The following RAP1GAP2 variants were observed in gnomAD, a reference collection of about 807,000 sequenced individuals.
RAP1GAP2 encodes the protein rap1 GTPase-activating protein 2.
A neutral mutation model predicts 95.0 loss-of-function variants in RAP1GAP2; 27 were observed. The ratio of observed to expected loss-of-function variants is 0.28; its 90% CI spans 0.21 to 0.39. RAP1GAP2 has a LOEUF of 0.39. RAP1GAP2 is among the 10% of genes least tolerant of loss of function. RAP1GAP2 has a pLI of 1.00. For missense variants in RAP1GAP2, 771 were observed against 970.0 expected, an observed-to-expected ratio of 0.79 and a Z score of 2.72; for synonymous variants, 373 against 380.9, an observed-to-expected ratio of 0.98 and a Z score of 0.24.
chr17:2,965,033 G>T lies in RAP1GAP2; in HGVS notation c.493-507G>T, dbSNP rs1396300853. The T allele has an allele frequency of 6.4e-6, 1 of 157,162 alleles. No individual in the cohort carries two copies. The highest frequency in any genetic ancestry group is 1.4e-5 in the Non-Finnish European group (1 of 70,778). 9.7% of individuals were successfully genotyped at this position (157,162 alleles called of 1,614,324 possible). On this transcript the variant is annotated intron_variant, in intron 7 of 24. Transcript: ENST00000254695. This position sits in a 1 kb window ranked among gnomAD's most constrained non-coding sequence, Gnocchi z 4.7. Reference sequence around the variant, plus strand: ...CCCCGAGCCAGGGAGTGACCCACTGGCTCAGGACACCTCCCAGCTCCCCTG... The same window carrying T: ...CCCCGAGCCAGGGAGTGACCCACTGTCTCAGGACACCTCCCAGCTCCCCTG...
At position 2,866,925 on chromosome 17, in the gene RAP1GAP2, G is replaced by A. The variant is rs546236093; in HGVS notation, c.81-38359G>A. Among the ~76,000 whole-genome samples the A allele has an allele frequency of 2.4e-4, 34 of 141,588 alleles. No individual in the cohort carries two copies. The highest frequency in any genetic ancestry group is 8.5e-4 in the African/African-American group (32 of 37,790). 92.9% of individuals were successfully genotyped at this position (141,588 alleles called of 152,430 possible). On this transcript the variant is annotated intron_variant, in intron 2 of 24. Transcript: ENST00000254695. This position sits in a 1 kb window ranked among gnomAD's most constrained non-coding sequence, Gnocchi z 4.0. ...TATTTTATTTTTTATTTTAGAGATG[G>A]AGTCTCACTCTGTCACCCAGGCTGG...
intron 1 of RAP1GAP2, among the ~76,000 whole-genome samples, chr17:2,789,651 G>A (rs188854783): frequency 1.3e-5 from 2 of 149,354 alleles, no homozygotes; most frequent in African/African-American, 2.5e-5. Context: ...GCATGGTGGC[G>A]TGTACTGGTA....
At chr17:2,780,559 C>A (rs995438305) in intron 1 of RAP1GAP2, among the ~76,000 whole-genome samples, 8 of 152,174 alleles carry the variant, frequency 5.3e-5, no homozygotes, top group Non-Finnish European at 1.0e-4. Context: ...ATGTGCACCC[C>A]CCCCAGGAGA....
At position 2,867,624 on chromosome 17, in the gene RAP1GAP2, G is replaced by C. The variant is rs1423464675; in HGVS notation, c.81-37660G>C. ...AGAGGGGTGGGATACACTGATTCAT[G>C]AAGTCTAGGTCTTACGCCCACCGCT... is the stretch of plus-strand genomic sequence containing the variant. On this transcript the variant is annotated intron_variant, in intron 2 of 24. Transcript: ENST00000254695. The surrounding 1 kb of genome is among the most constrained non-coding windows in gnomAD (Gnocchi z 4.5). 2.0e-5 allele frequency among the ~76,000 whole-genome samples: 3 copies of C among 152,152 alleles called. No homozygotes were observed. The highest frequency in any genetic ancestry group is 2.9e-5 in the Non-Finnish European group (2 of 68,018).
Position 2,892,067 on chromosome 17 carries a change from G to T in RAP1GAP2, c.81-13217G>T, listed in dbSNP as rs558502989. Reference sequence around the variant, plus strand: ...TCGGACTCCTGACCTCAGGTGATCTGCCTGTCTCGACCTCCCAAAGTGCTG... The same window carrying T: ...TCGGACTCCTGACCTCAGGTGATCTTCCTGTCTCGACCTCCCAAAGTGCTG... On this transcript the variant is annotated intron_variant, in intron 2 of 24. Coordinates refer to ENST00000254695, the MANE Select transcript of RAP1GAP2 (RefSeq NM_015085.5). Among the ~76,000 whole-genome samples, 15 of 152,092 alleles carry T rather than the reference G, an allele frequency of 9.9e-5. No individual in the cohort carries two copies. The East Asian group carries it at 2.7e-3, about 27-fold the overall frequency.
chr17:2,885,251 C>G (rs564575987), intron 2 of RAP1GAP2, among the ~76,000 whole-genome samples: 58 of 152,206 alleles, frequency 3.8e-4, no homozygotes, highest in Admixed American at 1.8e-3. Context: ...CCAGGCTGGT[C>G]TCGAACTCCT....
At chr17:2,960,262 A>C (rs1381012009) in intron 4 of RAP1GAP2, among the ~76,000 whole-genome samples, 1 of 151,642 alleles carries the variant, frequency 6.6e-6, no homozygotes, top group Non-Finnish European at 1.5e-5. Context: ...GGATGGGAGG[A>C]AGTTTGCTCT....
At chr17:2,822,803 C>G (rs919559946) in intron 2 of RAP1GAP2, among the ~76,000 whole-genome samples, 5 of 151,710 alleles carry the variant, frequency 3.3e-5, no homozygotes, top group Non-Finnish European at 5.9e-5. Context: ...TGTGCTGCAC[C>G]CATTAACTCT....
intron 3 of RAP1GAP2, among the ~76,000 whole-genome samples, chr17:2,949,010 G>T (rs1285240109): frequency 1.3e-5 from 2 of 152,152 alleles, no homozygotes; most frequent in Admixed American, 1.3e-4. Flanking sequence ...CTGCTACCTG[G>T]GACCTCCTCC....
chr17:2,916,868 G>T (rs1040481975), intron 3 of RAP1GAP2, among the ~76,000 whole-genome samples: 16 of 152,334 alleles, frequency 1.1e-4, no homozygotes, highest in African/African-American at 3.6e-4. Context: ...CTCTTCTTAT[G>T]TATCTTCGGG....
chr17:3,024,715 G>A (rs376235524), intron 19 of RAP1GAP2, among the ~76,000 whole-genome samples: 59 of 152,326 alleles, frequency 3.9e-4, no homozygotes, highest in African/African-American at 1.3e-3. Flanking sequence ...TCCATAAAAT[G>A]GAATATTATT....
chr17:2,848,567 T>G (rs1292238591), intron 2 of RAP1GAP2, among the ~76,000 whole-genome samples: 1 of 151,394 alleles, frequency 6.6e-6, no homozygotes, highest in African/African-American at 2.4e-5. Flanking sequence ...CAGGCTGGAG[T>G]GCAGTGGCAC....
chr17:2,879,689 G>A (rs1232854117), intron 2 of RAP1GAP2, among the ~76,000 whole-genome samples: 1 of 149,974 alleles, frequency 6.7e-6, no homozygotes, highest in African/African-American at 2.5e-5. Context: ...TCGCACCATG[G>A]CACTCCAGCC....
chr17:2,756,753 C>T (rs1457152067), intron 1 of RAP1GAP2, among the ~76,000 whole-genome samples: 1 of 152,100 alleles, frequency 6.6e-6, no homozygotes, highest in Non-Finnish European at 1.5e-5. Context: ...CAGCACCTCC[C>T]GTGGCTCTGG....
At chr17:3,022,707 C>T (rs1304990295) in intron 19 of RAP1GAP2, among the ~76,000 whole-genome samples, 1 of 152,148 alleles carries the variant, frequency 6.6e-6, no homozygotes, top group African/African-American at 2.4e-5. Context: ...TTGATTGTTT[C>T]CTTTGGTGTG....
rs564974578 is a variant in RAP1GAP2 at position 2,948,421 on chromosome 17, C to T, written c.166-9338C>T. ...GAGAGAGGCAAGAGTGTTGCAGGGG[C>T]GAGGGTCTCATGAGCTGGGGTGCGG... On this transcript the variant is annotated intron_variant, in intron 3 of 24. Transcript: ENST00000254695. 1.4e-3 allele frequency among the ~76,000 whole-genome samples: 210 copies of T among 152,108 alleles called. 2 individuals carry two copies. The highest frequency in any genetic ancestry group is 4.8e-3 in the African/African-American group (201 of 41,468).
In RAP1GAP2 at chr17:2,988,576, C is replaced by CT. The variant is rs550668868; in HGVS notation, c.814-2720dup. On this transcript the variant is annotated intron_variant, in intron 11 of 24. Transcript: ENST00000254695. Reference sequence around the variant, plus strand: ...TTCTTTTTCATTGCTGAGTAGTACTCTGTGGTATTATAACTGTACCACAGT... The same window carrying CT: ...TTCTTTTTCATTGCTGAGTAGTACTCTTGTGGTATTATAACTGTACCACAGT... Among the ~76,000 whole-genome samples, 176 of 152,308 alleles carry CT rather than the reference C, an allele frequency of 1.2e-3. 3 individuals carry two copies. The highest frequency in any genetic ancestry group is 4.0e-3 in the African/African-American group (167 of 41,558).
chr17:2,940,674 C>G (rs2043461785), intron 3 of RAP1GAP2, among the ~76,000 whole-genome samples: 1 of 152,198 alleles, frequency 6.6e-6, no homozygotes, highest in South Asian at 2.1e-4. Flanking sequence ...TCCCTGCAGG[C>G]TCTGCAGACG....
At chr17:2,889,885 A>ATTTTT (rs1356255749) in intron 2 of RAP1GAP2, among the ~76,000 whole-genome samples, 1 of 44,888 alleles carries the variant, frequency 2.2e-5, no homozygotes, top group African/African-American at 8.5e-5. Flanking sequence ...ATATATATAT[A>ATTTTT]TATATTTTTT....
Sources: gnomAD v4.1 joint callset for allele counts (sites outside exome capture counted in the v4.1 genomes callset) on GRCh38, gnomAD v4.1.1 for gene constraint, Gnocchi (gnomAD v3.1) non-coding constraint, MANE v1.5 for transcripts, NCBI Gene and HGNC (gene_info 2026-07-23, HGNC 2026-07-21) for gene names.